The following ALDH1L1 variants were observed in gnomAD, a reference collection of about 807,000 sequenced individuals.
ALDH1L1 encodes cytosolic 10-formyltetrahydrofolate dehydrogenase.
ALDH1L1 carries 68 observed loss-of-function variants against 101.1 expected under a neutral mutation model. That is an observed-to-expected ratio of 0.67 (90% CI 0.55 to 0.82). ALDH1L1 has a LOEUF of 0.82. Among genes scored for constraint, ALDH1L1 ranks in the 40% least tolerant of loss-of-function variants. ALDH1L1 has a pLI of 0.00. For synonymous variants in ALDH1L1, 486 were observed against 470.8 expected, an observed-to-expected ratio of 1.03 and a Z score of -0.42; for missense variants, 1,087 against 1,172.7, an observed-to-expected ratio of 0.93 and a Z score of 1.07.
At chr3:126,137,038 C>T (rs2080461715) in intron 10 of ALDH1L1, among the ~76,000 whole-genome samples, 155 bp from the exon 11 acceptor site, 1 of 152,224 alleles carries the variant, frequency 6.6e-6, no homozygotes. Context: ...AGACAAAGGA[C>T]AGGCTCTGAG....
chr3:126,191,327 CTGTGGCTACTGCTTT>C (rs1007797916), intron 1 of ALDH1L1, among the ~76,000 whole-genome samples: 14 of 152,344 alleles, frequency 9.2e-5, no homozygotes, highest in African/African-American at 3.4e-4. Context: ...GATATGGCAG[CTGTGGCTACTGCTTT>C]TAGTGGTGAG....
At chr3:126,104,120 C>G (rs1399465847) in intron 22 of ALDH1L1, 3 of 529,486 alleles carry the variant, frequency 5.7e-6, no homozygotes, top group Non-Finnish European at 6.8e-6. Context: ...CAGTGGGAAG[C>G]CCCTTCAGGT....
chr3:126,175,071 T>C (rs1442722045), intron 1 of ALDH1L1, among the ~76,000 whole-genome samples: 11 of 152,104 alleles, frequency 7.2e-5, no homozygotes, highest in Admixed American at 7.2e-4. Context: ...CCATCAATAC[T>C]GATCCTACGG....
chr3:126,149,173 T>C (rs1391964051), intron 8 of ALDH1L1, among the ~76,000 whole-genome samples: 1 of 152,254 alleles, frequency 6.6e-6, no homozygotes, highest in Non-Finnish European at 1.5e-5. Context: ...AGAACTTTTG[T>C]CCACAGTACA....
intron 14 of ALDH1L1, among the ~76,000 whole-genome samples, chr3:126,127,638 A>T (rs2108227147): frequency 6.6e-6 from 1 of 152,280 alleles, no homozygotes; most frequent in African/African-American, 2.4e-5. Context: ...CATGAGGGGA[A>T]GGGGCTCCCC....
intron 9 of ALDH1L1, 73 bp from the exon 10 acceptor site, chr3:126,138,033 G>A: frequency 6.3e-7 from 1 of 1,580,336 alleles, no homozygotes. Flanking sequence ...AGCAGTGGCA[G>A]TGGGGCCAAA....
In ALDH1L1 at chr3:126,136,763, C is replaced by G; in HGVS notation, c.1344+1G>C. On this transcript the variant is annotated splice_donor_variant, in intron 11 of 22. Transcript: ENST00000393434. LOFTEE classifies it high-confidence loss of function. ...AGAAGGGGTGCTGGGCCTGCACTCACACTTCCATCGGTGGGATTGATGGTC... is the reference window on the plus strand; with the variant it reads ...AGAAGGGGTGCTGGGCCTGCACTCAGACTTCCATCGGTGGGATTGATGGTC... 6.4e-7 allele frequency: 1 copy of G among 1,567,234 alleles called. No individual in the cohort carries two copies. The highest frequency in any genetic ancestry group is 8.7e-7 in the Non-Finnish European group (1 of 1,155,162).
chr3:126,126,606 T>C (rs1014798070), intron 14 of ALDH1L1, among the ~76,000 whole-genome samples: 2 of 152,048 alleles, frequency 1.3e-5, no homozygotes, highest in Non-Finnish European at 2.9e-5. Flanking sequence ...ACCCAGGAGA[T>C]TGGGAGCACA....
intron 1 of ALDH1L1, among the ~76,000 whole-genome samples, chr3:126,177,232 C>T (rs1385822983): frequency 3.3e-5 from 5 of 152,180 alleles, no homozygotes; most frequent in Admixed American, 1.3e-4. Context: ...AAACTAATGT[C>T]CACACAAAAA....
chr3:126,175,294 T>C (rs2081349830), intron 1 of ALDH1L1, among the ~76,000 whole-genome samples: 2 of 152,046 alleles, frequency 1.3e-5, no homozygotes, highest in African/African-American at 4.8e-5. Flanking sequence ...TGACTAAACA[T>C]TTAAGAAAGA....
At chr3:126,138,075 A>G in intron 9 of ALDH1L1, 115 bp from the exon 10 acceptor site, 1 of 1,337,886 alleles carries the variant, frequency 7.5e-7, no homozygotes, top group Non-Finnish European at 1.0e-6. Flanking sequence ...CAGCACCGAG[A>G]GGTAGCCATG....
intron 2 of ALDH1L1, 151 bp from the exon 3 acceptor site, chr3:126,158,790 G>A (rs962577582): frequency 2.5e-5 from 18 of 709,792 alleles, no homozygotes; most frequent in South Asian, 5.5e-5. Flanking sequence ...CAACACAGAC[G>A]GATGCACCAG....
At chr3:126,184,659 T>G (rs2081502185), upstream of ALDH1L1, among the ~76,000 whole-genome samples, 1 of 152,196 alleles carries the variant, frequency 6.6e-6, no homozygotes, top group Admixed American at 6.5e-5. Flanking sequence ...ACTGCTCCAA[T>G]CCAGAGGCAG....
At chr3:126,116,441 G>C (rs953914352) in intron 17 of ALDH1L1, among the ~76,000 whole-genome samples, 6 of 151,996 alleles carry the variant, frequency 3.9e-5, no homozygotes, top group Non-Finnish European at 1.5e-5. Context: ...GGTTACCATG[G>C]TGAGGCAGAT....
At chr3:126,173,305 A>G (rs558410639) in intron 1 of ALDH1L1, among the ~76,000 whole-genome samples, 21 of 152,320 alleles carry the variant, frequency 1.4e-4, no homozygotes, top group African/African-American at 5.1e-4. Flanking sequence ...ATAATAAGGC[A>G]TGGGAGGGAG....
At chr3:126,169,501 A>C (rs1212983859) in intron 1 of ALDH1L1, among the ~76,000 whole-genome samples, 1 of 152,156 alleles carries the variant, frequency 6.6e-6, no homozygotes, top group Non-Finnish European at 1.5e-5. Context: ...AGCCAATGAA[A>C]CCCTTGGAAA....
Position 126,133,125 on chromosome 3 carries a change from T to A in ALDH1L1, c.1473-1591A>T, listed in dbSNP as rs772562607. ...AAGCCTGCTGGCACCAAACTCAAAT[T>A]TTCCCACTCCCAGTTAGGCTTAAAG... On this transcript the variant is annotated intron_variant, in intron 12 of 22. Coordinates refer to ENST00000393434, the MANE Select transcript of ALDH1L1 (RefSeq NM_012190.4). Among the ~76,000 whole-genome samples the A allele has an allele frequency of 2.0e-5, 3 of 152,168 alleles. No homozygotes were observed. In the East Asian group the frequency reaches 5.8e-4, roughly 29 times the overall value.
At chr3:126,151,991 G>A (rs1472209858) in intron 7 of ALDH1L1, 1 of 152,560 alleles carries the variant, frequency 6.6e-6, no homozygotes, top group African/African-American at 2.4e-5. Flanking sequence ...GCAGGTCTCT[G>A]GACAGATGCT....
intron 1 of ALDH1L1, among the ~76,000 whole-genome samples, chr3:126,165,637 C>G (rs546767295): frequency 6.6e-6 from 1 of 152,182 alleles, no homozygotes; most frequent in South Asian, 2.1e-4. Context: ...CAATCTTTTC[C>G]TACTTTAGTC....
Sources: gnomAD v4.1 joint callset for allele counts (sites outside exome capture counted in the v4.1 genomes callset) on GRCh38, gnomAD v4.1.1 for gene constraint, MANE v1.5 for transcripts, NCBI Gene and HGNC (gene_info 2026-07-23, HGNC 2026-07-21) for gene names.